The following SRD5A2 variants were observed in gnomAD, a reference collection of about 807,000 sequenced individuals.
SRD5A2 encodes steroid 5 alpha-reductase 2, also known as 3-oxo-5-alpha-steroid 4-dehydrogenase 2.
SRD5A2 carries 30 observed loss-of-function variants against 27.4 expected under a neutral mutation model. That is an observed-to-expected ratio of 1.10 (90% CI 0.82 to 1.49). The LOEUF (loss-of-function observed/expected upper bound fraction) is 1.49. SRD5A2 is among the 40% of genes most tolerant of loss of function. SRD5A2 has a pLI of 0.00. For synonymous variants in SRD5A2, 141 were observed against 133.6 expected, an observed-to-expected ratio of 1.06 and a Z score of -0.38; for missense variants, 348 against 323.4, an observed-to-expected ratio of 1.08 and a Z score of -0.58.
intron 1 of SRD5A2, among the ~76,000 whole-genome samples, chr2:31,571,131 G>C (rs981880635): frequency 6.6e-6 from 1 of 152,136 alleles, no homozygotes; most frequent in African/African-American, 2.4e-5. Flanking sequence ...ACACTACAAG[G>C]CTACAGTAAC....
chr2:31,542,963 A>G (rs1255036297), intron 1 of SRD5A2, among the ~76,000 whole-genome samples: 1 of 152,232 alleles, frequency 6.6e-6, no homozygotes, highest in Non-Finnish European at 1.5e-5. Flanking sequence ...AACTCCAAGT[A>G]AGATGAATTC....
the SRD5A2 span, among the ~76,000 whole-genome samples, chr2:31,605,177 C>T: frequency 1.3e-5 from 2 of 151,804 alleles, no homozygotes; most frequent in African/African-American, 4.8e-5. Context: ...ATTCTAAGAC[C>T]TCAAACAATA....
At chr2:31,655,583 A>T in the SRD5A2 span, among the ~76,000 whole-genome samples, 1 of 152,162 alleles carries the variant, frequency 6.6e-6, no homozygotes, top group Non-Finnish European at 1.5e-5. Context: ...TACAGGAGAG[A>T]AGGCAAAAAA....
the SRD5A2 span, among the ~76,000 whole-genome samples, chr2:31,591,395 T>C: frequency 6.6e-6 from 1 of 152,096 alleles, no homozygotes; most frequent in African/African-American, 2.4e-5. Context: ...AGATACCATC[T>C]CACGCCAGTT....
At chr2:31,620,850 T>C in the SRD5A2 span, among the ~76,000 whole-genome samples, 1 of 147,750 alleles carries the variant, frequency 6.8e-6, no homozygotes, top group African/African-American at 2.5e-5. Flanking sequence ...TGCATGTGAA[T>C]CCACGATGGT....
chr2:31,545,182 C>G (rs1291142338), intron 1 of SRD5A2, among the ~76,000 whole-genome samples: 2 of 145,372 alleles, frequency 1.4e-5, no homozygotes, highest in African/African-American at 5.0e-5. Flanking sequence ...CAAACTTTTC[C>G]AAAAAAAAAA....
At chr2:31,616,737 C>G in the SRD5A2 span, among the ~76,000 whole-genome samples, 1 of 152,150 alleles carries the variant, frequency 6.6e-6, no homozygotes, top group Admixed American at 6.5e-5. Context: ...AGACTTTGGA[C>G]TGTGGACTTT....
chr2:31,619,765 T>A, the SRD5A2 span, among the ~76,000 whole-genome samples: 1 of 152,130 alleles, frequency 6.6e-6, no homozygotes, highest in Non-Finnish European at 1.5e-5. Flanking sequence ...CCATGTCCTT[T>A]GTCCACTTTT....
At chr2:31,552,813 G>A (rs1253983224) in intron 1 of SRD5A2, among the ~76,000 whole-genome samples, 13 of 152,158 alleles carry the variant, frequency 8.5e-5, no homozygotes, top group Non-Finnish European at 1.5e-5. Context: ...AAAACTGGGA[G>A]AGATGGCTGT....
upstream of SRD5A2, among the ~76,000 whole-genome samples, chr2:31,583,502 C>T (rs1667116714): frequency 6.6e-6 from 1 of 151,526 alleles, no homozygotes; most frequent in South Asian, 2.1e-4. Flanking sequence ...AAATATACAG[C>T]TTGGTTGATT....
chr2:31,618,373 T>C, the SRD5A2 span, among the ~76,000 whole-genome samples: 52 of 152,122 alleles, frequency 3.4e-4, no homozygotes, highest in African/African-American at 1.2e-3. Context: ...AAGAGGTATC[T>C]GCACTCCCAT....
chr2:31,636,968 A>G, the SRD5A2 span, among the ~76,000 whole-genome samples: 1 of 152,084 alleles, frequency 6.6e-6, no homozygotes, highest in African/African-American at 2.4e-5. Flanking sequence ...TTTCAGTATC[A>G]GGATAACTCC....
At position 31,522,837 on chromosome 2, in the gene SRD5A2, A is replaced by G. The variant is rs28383097; in HGVS notation, c.*3359T>C. 4.3e-4 allele frequency: 95 copies of G among 222,632 alleles called. No homozygotes were observed. Among genetic ancestry groups the G allele is most frequent in the African/African-American group, 2.0e-3 (89 of 44,874 alleles). 13.8% of individuals were successfully genotyped at this position (222,632 alleles called of 1,614,324 possible). A position where few individuals can be genotyped will look rare whatever the true frequency, so the allele number is the denominator to read the frequency against. On this transcript the variant is annotated 3_prime_UTR_variant, in exon 5 of 5. Transcript: ENST00000622030. ...CAGCTCACAGCTTATTAGAGAACCA[A>G]AAGGCCAAGCGGGAAAAGAAATGAA...
rs776955868 is a variant in SRD5A2, at chr2:31,530,437, G to A, written c.547+934C>T. 9.2e-5 allele frequency among the ~76,000 whole-genome samples: 14 copies of A among 152,234 alleles called. 1 individual carries two copies. The East Asian group carries it at 1.5e-3, about 17-fold the overall frequency. On this transcript the variant is annotated intron_variant, in intron 3 of 4. Coordinates refer to ENST00000622030, the MANE Select transcript of SRD5A2 (RefSeq NM_000348.4). Reference sequence around the variant, plus strand: ...TTCCCTACGCCCTGGGAGGAACCACGGATCTAAAGCAAAGGGCCTATAAAT... The same window carrying A: ...TTCCCTACGCCCTGGGAGGAACCACAGATCTAAAGCAAAGGGCCTATAAAT...
In SRD5A2 at chr2:31,525,099, G is replaced by C. The variant is rs915511261; in HGVS notation, c.*1097C>G. ...AACAAAACAGGTTTTCTGCCCAGAC[G>C]TGCCCCTCTGTCTGCAATTTTCAGT... On this transcript the variant is annotated 3_prime_UTR_variant, in exon 5 of 5. Coordinates refer to ENST00000622030, the MANE Select transcript of SRD5A2 (RefSeq NM_000348.4). The C allele has an allele frequency of 4.6e-6, 1 of 216,466 alleles. No homozygotes were observed. The highest frequency in any genetic ancestry group is 5.8e-5 in the Admixed American group (1 of 17,116). 13.4% of individuals were successfully genotyped at this position (216,466 alleles called of 1,614,324 possible).
chr2:31,639,663 G>A, the SRD5A2 span, among the ~76,000 whole-genome samples: 2 of 151,678 alleles, frequency 1.3e-5, no homozygotes, highest in Admixed American at 6.6e-5. Flanking sequence ...ACCCTAAAAT[G>A]TTGTTCCACT....
At chr2:31,582,984 T>C (rs930235405), upstream of SRD5A2, among the ~76,000 whole-genome samples, 1 of 152,210 alleles carries the variant, frequency 6.6e-6, no homozygotes, top group Admixed American at 6.5e-5. Context: ...TTCTTCCGAC[T>C]CTGCCCACTT....
intron 1 of SRD5A2, among the ~76,000 whole-genome samples, chr2:31,568,508 A>T (rs1666783923): frequency 6.6e-6 from 1 of 152,094 alleles, no homozygotes; most frequent in Non-Finnish European, 1.5e-5. Context: ...GAGTTTTTAT[A>T]GCCTCAGAAG....
At chr2:31,544,810 T>G (rs545565801) in intron 1 of SRD5A2, among the ~76,000 whole-genome samples, 2 of 151,996 alleles carry the variant, frequency 1.3e-5, no homozygotes, top group Admixed American at 1.3e-4. Context: ...ACACTTAGAT[T>G]GACTAAGAAA....
Sources: allele counts gnomAD v4.1 joint callset (sites outside exome capture counted in the v4.1 genomes callset), GRCh38; gene constraint gnomAD v4.1.1; transcripts MANE v1.5; gene names NCBI Gene and HGNC (gene_info 2026-07-23, HGNC 2026-07-21).